ASAP1: variants seen among roughly 807,000 people sequenced by gnomAD.
The protein encoded by ASAP1 is ArfGAP with SH3 domain, ankyrin repeat and PH domain 1, also known as arf-GAP with SH3 domain, ANK repeat and PH domain-containing protein 1.
A neutral mutation model predicts 145.2 loss-of-function variants in ASAP1; 43 were observed. That is an observed-to-expected ratio of 0.30 (90% CI 0.23 to 0.38). ASAP1 has a LOEUF of 0.38. ASAP1 is among the 10% of genes least tolerant of loss of function. The pLI, the probability that ASAP1 is intolerant of heterozygous loss-of-function variation, is 1.00. For missense variants in ASAP1, 1,018 were observed against 1,355.3 expected (o/e 0.75, Z 3.91); for synonymous variants, 546 against 515.5 (o/e 1.06, Z -0.80).
chr8:130,219,941 C>T (rs1036718670), intron 4 of ASAP1, among the ~76,000 whole-genome samples: 7 of 152,150 alleles, frequency 4.6e-5, no homozygotes, highest in Non-Finnish European at 7.4e-5. Context: ...AGGCACATGC[C>T]ATCATGACCG....
At chr8:130,251,344 G>A (rs1011620098) in intron 3 of ASAP1, among the ~76,000 whole-genome samples, 1 of 152,102 alleles carries the variant, frequency 6.6e-6, no homozygotes, top group Non-Finnish European at 1.5e-5. Flanking sequence ...CTTGAACCTG[G>A]GGGGAGGAGG....
At position 130,209,297 on chromosome 8, in the gene ASAP1, T is replaced by C. The variant is rs185279139; in HGVS notation, c.405+5259A>G. Among the ~76,000 whole-genome samples, 76 of 152,238 alleles carry C rather than the reference T, an allele frequency of 5.0e-4. No homozygotes were observed. In the East Asian group the frequency reaches 0.012, roughly 24 times the overall value. The stretch of plus-strand genomic sequence containing the variant: ...AACATTAACCTACTTAACGGTAGGG[T>C]TGGAATCATAACAAAGCCTTCAATT... On this transcript the variant is annotated intron_variant, in intron 5 of 29. Coordinates refer to ENST00000518721, the MANE Select transcript of ASAP1 (RefSeq NM_018482.4).
intron 3 of ASAP1, among the ~76,000 whole-genome samples, chr8:130,251,890 A>T (rs756370075): frequency 6.6e-6 from 1 of 152,188 alleles, no homozygotes; most frequent in Non-Finnish European, 1.5e-5. Flanking sequence ...GTGAATGGAG[A>T]GGCTTTGGAG....
intron 2 of ASAP1, among the ~76,000 whole-genome samples, chr8:130,378,211 G>A (rs1357276107): frequency 1.3e-5 from 2 of 152,228 alleles, no homozygotes; most frequent in Admixed American, 6.5e-5. Flanking sequence ...AGGATTAAAC[G>A]AGAGTGCCTC....
chr8:130,254,838 C>T (rs1819412060), intron 3 of ASAP1, among the ~76,000 whole-genome samples: 1 of 152,106 alleles, frequency 6.6e-6, no homozygotes, highest in African/African-American at 2.4e-5. Flanking sequence ...TCTTAAGTAG[C>T]AACAACCAAT....
intron 13 of ASAP1, among the ~76,000 whole-genome samples, chr8:130,142,903 G>A (rs2097615892): frequency 6.6e-6 from 1 of 152,126 alleles, no homozygotes. Context: ...GGTGGGAAAG[G>A]TAGAGGAGGC....
At chr8:130,186,421 T>A (rs1006067528) in intron 7 of ASAP1, among the ~76,000 whole-genome samples, 1 of 152,194 alleles carries the variant, frequency 6.6e-6, no homozygotes, top group African/African-American at 2.4e-5. Context: ...CTCTTATGTT[T>A]ATAGTTGTCC....
At chr8:130,117,171 T>TATTTATTTAGAGTGCCAG (rs1472301254) in intron 20 of ASAP1, among the ~76,000 whole-genome samples, 176 bp from the exon 21 acceptor site, 1 of 152,212 alleles carries the variant, frequency 6.6e-6, no homozygotes, top group Non-Finnish European at 1.5e-5. Flanking sequence ...TAACAGGCAG[T>TATTTATTTAGAGTGCCAG]ATTTATTTAG....
At chr8:130,241,236 C>G (rs544031448) in intron 3 of ASAP1, among the ~76,000 whole-genome samples, 2 of 152,206 alleles carry the variant, frequency 1.3e-5, no homozygotes, top group East Asian at 3.9e-4. Context: ...CCACAAAAGC[C>G]TTCTAAGGAT....
intron 4 of ASAP1, among the ~76,000 whole-genome samples, chr8:130,235,996 G>A (rs1316520394): frequency 1.3e-5 from 2 of 151,720 alleles, no homozygotes; most frequent in Non-Finnish European, 2.9e-5. Context: ...CTATCCTCAC[G>A]TTACAGAAGA....
intron 18 of ASAP1, among the ~76,000 whole-genome samples, chr8:130,121,119 G>A (rs2097565147): frequency 6.6e-6 from 1 of 152,120 alleles, no homozygotes; most frequent in Admixed American, 6.5e-5. Flanking sequence ...AATACATTGG[G>A]AAGTCAACCA....
At chr8:130,404,142 T>C (rs181588094) in intron 1 of ASAP1, among the ~76,000 whole-genome samples, 8 of 152,378 alleles carry the variant, frequency 5.3e-5, no homozygotes, top group African/African-American at 1.7e-4. Flanking sequence ...GATTTGTTTA[T>C]TGGTGTATGT....
chr8:130,265,867 G>A (rs1022772163), intron 3 of ASAP1, among the ~76,000 whole-genome samples: 1 of 152,172 alleles, frequency 6.6e-6, no homozygotes, highest in Non-Finnish European at 1.5e-5. Flanking sequence ...GGGCGAAAGT[G>A]AAACTGTCTC....
chr8:130,121,227 AC>A lies in ASAP1; in HGVS notation c.1608-2553del, dbSNP rs2097565288. Among the ~76,000 whole-genome samples the A allele has an allele frequency of 2.0e-5, 3 of 151,868 alleles. No homozygotes were observed. In the South Asian group the frequency reaches 6.2e-4, roughly 32 times the overall value. ...TTCTCCTCTGTCTGTTTTCATAGGC[AC>A]CCAGGCCCCGCCACACTCCCCGCCA... On this transcript the variant is annotated intron_variant, in intron 18 of 29. Coordinates refer to ENST00000518721, the MANE Select transcript of ASAP1 (RefSeq NM_018482.4).
chr8:130,262,998 T>C (rs150196108), intron 3 of ASAP1, among the ~76,000 whole-genome samples: 16 of 152,286 alleles, frequency 1.1e-4, no homozygotes, highest in Non-Finnish European at 1.6e-4. Context: ...GTTGAGAATA[T>C]TTCTGCTTTT....
At chr8:130,271,535 G>C (rs1410776058) in intron 3 of ASAP1, among the ~76,000 whole-genome samples, 1 of 152,166 alleles carries the variant, frequency 6.6e-6, no homozygotes, top group Non-Finnish European at 1.5e-5. Flanking sequence ...CAGATGCGTG[G>C]GCTATTCAGC....
chr8:130,110,721 T>C (rs2097545302), intron 24 of ASAP1, among the ~76,000 whole-genome samples: 1 of 152,214 alleles, frequency 6.6e-6, no homozygotes, highest in Non-Finnish European at 1.5e-5. Context: ...TTATGATCTA[T>C]GAGGCCATTT....
intron 2 of ASAP1, among the ~76,000 whole-genome samples, chr8:130,391,635 G>C (rs1828288692): frequency 6.6e-6 from 1 of 152,212 alleles, no homozygotes; most frequent in Non-Finnish European, 1.5e-5. Context: ...GCCAAGGTGA[G>C]ACATGCAGGC....
intron 26 of ASAP1, among the ~76,000 whole-genome samples, chr8:130,077,602 G>C (rs772044573): frequency 7.4e-6 from 1 of 135,784 alleles, no homozygotes; most frequent in Non-Finnish European, 1.5e-5. Flanking sequence ...CTGGAGTGCA[G>C]TGGCACGATC....
Sources: allele counts gnomAD v4.1 joint callset (sites outside exome capture counted in the v4.1 genomes callset), GRCh38; gene constraint gnomAD v4.1.1; transcripts MANE v1.5; gene names NCBI Gene and HGNC (gene_info 2026-07-23, HGNC 2026-07-21).